The following DPYD variants were observed in gnomAD, a reference collection of about 807,000 sequenced individuals.
DPYD encodes dihydropyrimidine dehydrogenase, also known as dihydropyrimidine dehydrogenase [NADP(+)].
DPYD carries 109 observed loss-of-function variants against 116.2 expected under a neutral mutation model. The ratio of observed to expected loss-of-function variants is 0.94; its 90% CI spans 0.80 to 1.10. The LOEUF (loss-of-function observed/expected upper bound fraction) is 1.10, where lower values mean the gene tolerates loss of function less well. Ranked by LOEUF, DPYD falls within the 50% of genes least tolerant of loss-of-function variation. DPYD has a pLI of 0.00. For missense variants in DPYD, 1,302 were observed against 1,254.5 expected (o/e 1.04, Z -0.57); for synonymous variants, 440 against 432.0 (o/e 1.02, Z -0.23).
intron 12 of DPYD, among the ~76,000 whole-genome samples, chr1:97,538,067 C>CAAAAA (rs67281977): frequency 8.0e-6 from 1 of 124,550 alleles, no homozygotes; most frequent in Non-Finnish European, 1.7e-5. Context: ...AACTCTGTCT[C>CAAAAA]AAAAAAAAAA....
At chr1:97,130,935 A>G (rs10458511) in intron 20 of DPYD, among the ~76,000 whole-genome samples, 2 of 111,948 alleles carry the variant, frequency 1.8e-5, no homozygotes, top group Non-Finnish European at 3.9e-5. Flanking sequence ...CTCTCTCTCT[A>G]TCTATCTATC....
intron 20 of DPYD, among the ~76,000 whole-genome samples, chr1:97,173,251 T>TAC: frequency 6.8e-6 from 1 of 148,080 alleles, no homozygotes; most frequent in South Asian, 2.1e-4. Flanking sequence ...TATATGTACA[T>TAC]ATATGCACAC....
At chr1:97,428,972 G>T (rs1217611411) in intron 14 of DPYD, among the ~76,000 whole-genome samples, 1 of 151,902 alleles carries the variant, frequency 6.6e-6, no homozygotes, top group African/African-American at 2.4e-5. Flanking sequence ...GTTTTATAAG[G>T]ATTCAAATAA....
chr1:97,250,170 T>C, intron 18 of DPYD, among the ~76,000 whole-genome samples: 1 of 151,992 alleles, frequency 6.6e-6, no homozygotes, highest in Non-Finnish European at 1.5e-5. Context: ...CTCAGGAAGC[T>C]GAGGCAGGAG....
chr1:97,538,703 G>T (rs2102047393), intron 12 of DPYD, among the ~76,000 whole-genome samples: 1 of 152,290 alleles, frequency 6.6e-6, no homozygotes. Context: ...ACTTTCAATA[G>T]TATTTCACAT....
At chr1:97,677,193 C>A (rs1660191706) in intron 8 of DPYD, among the ~76,000 whole-genome samples, 1 of 152,068 alleles carries the variant, frequency 6.6e-6, no homozygotes, top group African/African-American at 2.4e-5. Context: ...GAATAATTTG[C>A]TTATGTAATT....
intron 18 of DPYD, among the ~76,000 whole-genome samples, chr1:97,290,036 T>G (rs548043307): frequency 6.6e-6 from 1 of 152,222 alleles, no homozygotes; most frequent in Non-Finnish European, 1.5e-5. Context: ...ACAAGCATTC[T>G]TATACACCAA....
chr1:97,381,840 G>A (rs1002325992), intron 15 of DPYD, among the ~76,000 whole-genome samples: 6 of 152,158 alleles, frequency 3.9e-5, no homozygotes, highest in Admixed American at 3.3e-4. Context: ...TTACTTGTTT[G>A]CATTTGTGCA....
chr1:97,891,154 A>G (rs1045979912), intron 1 of DPYD, among the ~76,000 whole-genome samples: 1 of 151,982 alleles, frequency 6.6e-6, no homozygotes, highest in African/African-American at 2.4e-5. Flanking sequence ...CTAAAAGTCA[A>G]TATCATCAAT....
At chr1:97,420,909 T>C (rs910000774) in intron 14 of DPYD, among the ~76,000 whole-genome samples, 2 of 152,204 alleles carry the variant, frequency 1.3e-5, no homozygotes, top group African/African-American at 4.8e-5. Context: ...TCTGAACTAC[T>C]ATGTGACATT....
rs556674803 is a variant in DPYD at position 97,113,500 on chromosome 1, C to A, written c.2623-14868G>T. Among the ~76,000 whole-genome samples the A allele has an allele frequency of 5.3e-5, 8 of 151,962 alleles. No homozygotes were observed. In the South Asian group the frequency reaches 1.5e-3, roughly 28 times the overall value. ...TGTGGAATTCACTAATCTACCTGGC[C>A]CAATACCCCATTAGTTAGATTTGAG... is the stretch of plus-strand genomic sequence containing the variant. On this transcript the variant is annotated intron_variant, in intron 20 of 22. Transcript: ENST00000370192.
At chr1:97,253,294 G>A (rs988727438) in intron 18 of DPYD, among the ~76,000 whole-genome samples, 1 of 152,160 alleles carries the variant, frequency 6.6e-6, no homozygotes, top group African/African-American at 2.4e-5. Context: ...ATTGGAAAAT[G>A]TCAAATGGAA....
At chr1:97,743,560 A>G (rs1254161900) in intron 3 of DPYD, among the ~76,000 whole-genome samples, 1 of 152,130 alleles carries the variant, frequency 6.6e-6, no homozygotes, top group Non-Finnish European at 1.5e-5. Flanking sequence ...ACCATGCCAT[A>G]ATAGATATTA....
chr1:97,568,402 A>C (rs1269623181), intron 11 of DPYD, among the ~76,000 whole-genome samples: 6 of 152,116 alleles, frequency 3.9e-5, no homozygotes, highest in Non-Finnish European at 1.5e-5. Flanking sequence ...ATATATTATT[A>C]ATTCATTTCT....
chr1:97,219,053 A>G (rs1660612069), intron 19 of DPYD, among the ~76,000 whole-genome samples: 1 of 152,200 alleles, frequency 6.6e-6, no homozygotes, highest in Non-Finnish European at 1.5e-5. Flanking sequence ...TCAGGTAGAG[A>G]GAGAAGTCCT....
At position 97,111,189 on chromosome 1, in the gene DPYD, C is replaced by A. The variant is rs139733746; in HGVS notation, c.2623-12557G>T. On this transcript the variant is annotated intron_variant, in intron 20 of 22. Transcript: ENST00000370192. ...CTACTGCAATAGCCTCCTAACCAAT[C>A]TACCTGCTTTCTCTTTTGACTTGGT... 4.7e-3 allele frequency among the ~76,000 whole-genome samples: 718 copies of A among 152,202 alleles called. 5 individuals carry two copies. The highest frequency in any genetic ancestry group is 0.016 in the African/African-American group (665 of 41,544).
chr1:97,872,047 A>C (rs1455641566), intron 2 of DPYD, among the ~76,000 whole-genome samples: 1 of 151,888 alleles, frequency 6.6e-6, no homozygotes, highest in Non-Finnish European at 1.5e-5. Flanking sequence ...ACTCAAGGTC[A>C]TACTCTAGTA....
intron 3 of DPYD, among the ~76,000 whole-genome samples, chr1:97,813,090 G>A (rs1668413056): frequency 6.6e-6 from 1 of 152,154 alleles, no homozygotes; most frequent in Admixed American, 6.5e-5. Flanking sequence ...GTTAATGGTA[G>A]TGACTGGCTC....
At chr1:97,384,895 T>A (rs1158782361) in intron 14 of DPYD, among the ~76,000 whole-genome samples, 1 of 152,006 alleles carries the variant, frequency 6.6e-6, no homozygotes, top group Admixed American at 6.6e-5. Flanking sequence ...GAGAAGAAAG[T>A]AAAAGTAGAT....
Sources: allele counts gnomAD v4.1 joint callset (sites outside exome capture counted in the v4.1 genomes callset), GRCh38; gene constraint gnomAD v4.1.1; transcripts MANE v1.5; gene names NCBI Gene and HGNC (gene_info 2026-07-23, HGNC 2026-07-21).